CCDC12: variants seen among roughly 807,000 people sequenced by gnomAD.
The protein encoded by CCDC12 is coiled-coil domain-containing protein 12.
Under a neutral mutation model 25.7 loss-of-function variants are expected in CCDC12, and 28 were observed. The observed-to-expected ratio is 1.09, with a 90% CI of 0.81 to 1.50. The LOEUF (loss-of-function observed/expected upper bound fraction) is 1.50. Ranked by LOEUF, CCDC12 falls within the 40% of genes most tolerant of loss-of-function variation. The pLI is 0.00. For missense variants in CCDC12, 198 were observed against 210.0 expected (o/e 0.94, Z 0.35); for synonymous variants, 75 against 87.7 (o/e 0.86, Z 0.81).
At chr3:46,922,422 G>A (rs2032723347) in intron 5 of CCDC12, 110 bp from the exon 6 acceptor site, 1 of 1,205,118 alleles carries the variant, frequency 8.3e-7, no homozygotes, top group South Asian at 1.2e-5. Flanking sequence ...CTCGGTTGCT[G>A]GAGGGGGCTG....
At chr3:46,975,840 GATTTTT>G (rs2034963514) in intron 1 of CCDC12, among the ~76,000 whole-genome samples, 1 of 67,090 alleles carries the variant, frequency 1.5e-5, no homozygotes, top group Non-Finnish European at 2.9e-5. Context: ...TTTTATTTTC[GATTTTT>G]TTTTTTTTTT....
At chr3:46,952,398 G>A (rs1237760549) in intron 1 of CCDC12, among the ~76,000 whole-genome samples, 3 of 152,160 alleles carry the variant, frequency 2.0e-5, no homozygotes, top group African/African-American at 2.4e-5. Flanking sequence ...CACAAGTTTT[G>A]GGAAATAAAC....
upstream of CCDC12, among the ~76,000 whole-genome samples, chr3:46,980,411 C>A (rs1453140705): frequency 6.6e-6 from 1 of 152,076 alleles, no homozygotes; most frequent in Admixed American, 6.5e-5. Flanking sequence ...AAGGGGAATG[C>A]TCCCACTTCA....
intron 1 of CCDC12, among the ~76,000 whole-genome samples, chr3:46,970,133 T>C (rs1311571826): frequency 6.6e-6 from 1 of 152,074 alleles, no homozygotes; most frequent in African/African-American, 2.4e-5. Context: ...CTCAAACTCC[T>C]GGACTCAAGT....
intron 1 of CCDC12, among the ~76,000 whole-genome samples, chr3:46,943,351 C>T (rs1274994282): frequency 3.9e-5 from 6 of 152,200 alleles, no homozygotes; most frequent in Admixed American, 1.3e-4. Flanking sequence ...TCCCAACCAG[C>T]GGACACCCTG....
At chr3:46,970,294 T>TTA (rs397742654) in intron 1 of CCDC12, among the ~76,000 whole-genome samples, 1 of 151,474 alleles carries the variant, frequency 6.6e-6, no homozygotes, top group African/African-American at 2.4e-5. Flanking sequence ...ATTTTTTTTT[T>TTA]AAAGCTCATC....
At chr3:46,968,836 A>G (rs923182447) in intron 1 of CCDC12, among the ~76,000 whole-genome samples, 1 of 152,178 alleles carries the variant, frequency 6.6e-6, no homozygotes, top group Non-Finnish European at 1.5e-5. Context: ...AACTCAAAGC[A>G]CGACTGTGGG....
At chr3:46,973,002 C>G (rs909855966) in intron 1 of CCDC12, among the ~76,000 whole-genome samples, 1 of 151,186 alleles carries the variant, frequency 6.6e-6, no homozygotes, top group South Asian at 2.1e-4. Context: ...TTTAGTTCGT[C>G]GAAAAGACAG....
chr3:46,978,448 A>G (rs1023917380), upstream of CCDC12, among the ~76,000 whole-genome samples: 2 of 152,052 alleles, frequency 1.3e-5, no homozygotes, highest in African/African-American at 2.4e-5. Context: ...CTCTGGGCCC[A>G]GAAAACTTCT....
chr3:46,967,529 G>A (rs557153791), intron 1 of CCDC12, among the ~76,000 whole-genome samples: 38 of 151,996 alleles, frequency 2.5e-4, no homozygotes, highest in South Asian at 6.2e-4. Context: ...CTCCATCCCC[G>A]TCTCAGAACT....
chr3:46,966,191 T>C (rs72907932), intron 1 of CCDC12: 10,208 of 152,576 alleles, frequency 0.067, 1,152 homozygotes, highest in African/African-American at 0.23. Flanking sequence ...AACTTGAATC[T>C]GTGCTCCCAG....
chr3:46,970,402 C>T (rs969934616), intron 1 of CCDC12, among the ~76,000 whole-genome samples: 2 of 152,152 alleles, frequency 1.3e-5, no homozygotes, highest in African/African-American at 4.8e-5. Context: ...CCCTGGATAA[C>T]AGGCATGAGC....
At chr3:46,966,732 C>G (rs1275957790) in intron 1 of CCDC12, among the ~76,000 whole-genome samples, 1 of 152,078 alleles carries the variant, frequency 6.6e-6, no homozygotes, top group East Asian at 1.9e-4. Context: ...GGACTTCAAG[C>G]AGTGGAAAGG....
chr3:46,928,919 C>T lies in CCDC12; in HGVS notation c.165-3384G>A, dbSNP rs373102454. ...AGGCAAGAGGATTGCTTGAGCCAGG[C>T]GTTCAAGGCTGCAGAGAGCTATGAT... is the stretch of plus-strand genomic sequence containing the variant. On this transcript the variant is annotated intron_variant, in intron 2 of 6. Transcript: ENST00000683445. Among the ~76,000 whole-genome samples the T allele has an allele frequency of 1.5e-3, 227 of 151,958 alleles. 1 individual carries two copies. The highest frequency in any genetic ancestry group is 5.3e-3 in the African/African-American group (221 of 41,404).
At chr3:46,979,665 CAGTGAGGAGGAGG>C, upstream of CCDC12, 1 of 316,300 alleles carries the variant, frequency 3.2e-6, no homozygotes. Context: ...CGGCGGCCGG[CAGTGAGGAGGAGG>C]AGCGAGCAGA....
At chr3:46,929,328 A>C (rs2033107409) in intron 2 of CCDC12, among the ~76,000 whole-genome samples, 1 of 152,360 alleles carries the variant, frequency 6.6e-6, no homozygotes, top group Middle Eastern at 3.4e-3. Flanking sequence ...ATAAAAAAGG[A>C]AAGTCAAGAA....
intron 1 of CCDC12, among the ~76,000 whole-genome samples, chr3:46,974,324 G>C (rs892341727): frequency 1.3e-5 from 2 of 152,148 alleles, no homozygotes; most frequent in African/African-American, 4.8e-5. Context: ...TTAAAACATA[G>C]AAAAAATAAC....
intron 1 of CCDC12, among the ~76,000 whole-genome samples, chr3:46,970,011 T>C (rs1320719061): frequency 6.6e-6 from 1 of 151,710 alleles, no homozygotes; most frequent in African/African-American, 2.4e-5. Context: ...CTGAAGCAAT[T>C]CTCCCTGCTC....
intron 2 of CCDC12, among the ~76,000 whole-genome samples, chr3:46,935,455 A>G (rs1003962124): frequency 6.6e-6 from 1 of 152,096 alleles, no homozygotes; most frequent in African/African-American, 2.4e-5. Flanking sequence ...ACATGCCTCC[A>G]TGGCACATAT....
Sources: gnomAD v4.1 joint callset for allele counts (sites outside exome capture counted in the v4.1 genomes callset) on GRCh38, gnomAD v4.1.1 for gene constraint, MANE v1.5 for transcripts, NCBI Gene and HGNC (gene_info 2026-07-23, HGNC 2026-07-21) for gene names.